FANCC: variants seen among roughly 807,000 people sequenced by gnomAD.
FANCC encodes Fanconi anemia group C protein.
A neutral mutation model predicts 71.3 loss-of-function variants in FANCC; 55 were observed. That is an observed-to-expected ratio of 0.77 (90% CI 0.62 to 0.97). The LOEUF (loss-of-function observed/expected upper bound fraction) is 0.97. Ranked by LOEUF, FANCC falls within the 50% of genes least tolerant of loss-of-function variation. The probability of loss-of-function intolerance (pLI) is 0.00; values close to 1 mark genes in which losing one functional copy is unlikely to be tolerated. For synonymous variants in FANCC, 275 were observed against 244.9 expected (o/e 1.12, Z -1.15); for missense variants, 678 against 670.9 (o/e 1.01, Z -0.12).
chr9:95,175,822 C>A (rs149001479), intron 4 of FANCC, among the ~76,000 whole-genome samples: 28 of 152,372 alleles, frequency 1.8e-4, no homozygotes, highest in Middle Eastern at 6.8e-3. Context: ...AGGGAAAGCC[C>A]GGCCAGGTCT....
At chr9:95,105,788 T>C (rs945188390) in intron 14 of FANCC, among the ~76,000 whole-genome samples, 1 of 152,246 alleles carries the variant, frequency 6.6e-6, no homozygotes, top group Non-Finnish European at 1.5e-5. Context: ...TTCATTCATG[T>C]TGTAGCACTG....
At chr9:95,166,023 TTTTC>T (rs770865941) in intron 6 of FANCC, among the ~76,000 whole-genome samples, 5 of 152,060 alleles carry the variant, frequency 3.3e-5, no homozygotes, top group Admixed American at 2.0e-4. Flanking sequence ...TATATAATCT[TTTTC>T]TTTGTCTCTT....
In FANCC at chr9:95,247,212, CGT is replaced by C. The variant is rs3030679; in HGVS notation, c.250+218_250+219del. ...GAAGATCTGCATGGGTGCGTGCACGCGTGTGTGTGTGTGTGTGTGTGTGTTTA... is the reference window on the plus strand; with the variant it reads ...GAAGATCTGCATGGGTGCGTGCACGCGTGTGTGTGTGTGTGTGTGTGTTTA... On this transcript the variant is annotated intron_variant, in intron 3 of 14. Coordinates refer to ENST00000289081, the MANE Select transcript of FANCC (RefSeq NM_000136.3). Among the ~76,000 whole-genome samples, 630 of 149,532 alleles carry C rather than the reference CGT, an allele frequency of 4.2e-3. 7 individuals carry two copies. In the East Asian group the frequency reaches 0.049, roughly 12 times the overall value.
At chr9:95,191,409 T>C (rs1457831494) in intron 4 of FANCC, among the ~76,000 whole-genome samples, 1 of 143,672 alleles carries the variant, frequency 7.0e-6, no homozygotes, top group African/African-American at 2.6e-5. Flanking sequence ...CTTGGTTCAC[T>C]GCAGCCAAGA....
intron 1 of FANCC, among the ~76,000 whole-genome samples, chr9:95,290,406 G>T (rs948478649): frequency 2.0e-5 from 3 of 152,094 alleles, no homozygotes; most frequent in African/African-American, 7.2e-5. Flanking sequence ...TGATCAACAC[G>T]AACATTAATC....
chr9:95,127,577 C>T (rs1826194976), intron 8 of FANCC, among the ~76,000 whole-genome samples: 2 of 152,192 alleles, frequency 1.3e-5, no homozygotes, highest in Admixed American at 1.3e-4. Context: ...GGCTCCTCTC[C>T]GCTGTGCGCC....
chr9:95,211,701 G>T (rs1446916403), intron 4 of FANCC, among the ~76,000 whole-genome samples: 1 of 152,134 alleles, frequency 6.6e-6, no homozygotes, highest in East Asian at 1.9e-4. Context: ...TACTAGGTAT[G>T]CTCAGAAGCA....
At chr9:95,115,289 A>G (rs753049065) in intron 11 of FANCC, among the ~76,000 whole-genome samples, 1 of 152,168 alleles carries the variant, frequency 6.6e-6, no homozygotes, top group Non-Finnish European at 1.5e-5. Context: ...GAGATTGCAT[A>G]AGCAGCCCCC....
chr9:95,271,844 C>T (rs527920586), intron 1 of FANCC, among the ~76,000 whole-genome samples: 1 of 150,840 alleles, frequency 6.6e-6, no homozygotes, highest in South Asian at 2.1e-4. Context: ...TGAATGCACG[C>T]CTTAAAAGTT....
At chr9:95,159,653 T>A (rs1244983758) in intron 6 of FANCC, among the ~76,000 whole-genome samples, 7 of 152,224 alleles carry the variant, frequency 4.6e-5, no homozygotes, top group Non-Finnish European at 1.0e-4. Flanking sequence ...CCATCAACAG[T>A]GCAAAAGCAT....
intron 4 of FANCC, among the ~76,000 whole-genome samples, chr9:95,239,177 T>C (rs755164781): frequency 6.6e-6 from 1 of 152,190 alleles, no homozygotes; most frequent in Non-Finnish European, 1.5e-5. Flanking sequence ...AACCCCCTTG[T>C]CAGAGCAAGT....
chr9:95,102,432 C>A (rs771092807), intron 14 of FANCC, among the ~76,000 whole-genome samples: 1 of 152,136 alleles, frequency 6.6e-6, no homozygotes, highest in Non-Finnish European at 1.5e-5. Flanking sequence ...AAGTATTTTC[C>A]TAAAAACTTC....
rs186015174 is a variant in FANCC at position 95,251,360 on chromosome 9, G to C, written c.-78-1991C>G. On this transcript the variant is annotated intron_variant, in intron 1 of 14. Coordinates refer to ENST00000289081, the MANE Select transcript of FANCC (RefSeq NM_000136.3). ...AGACGAAGTCTCACTCTATCTCCCA[G>C]GCTGGAGTTAAGTGGTGCGATGTTG... Among the ~76,000 whole-genome samples, 441 of 152,126 alleles carry C rather than the reference G, an allele frequency of 2.9e-3. 3 individuals carry two copies. The highest frequency in any genetic ancestry group is 9.0e-3 in the Admixed American group (138 of 15,276).
intron 7 of FANCC, among the ~76,000 whole-genome samples, chr9:95,141,985 GTTT>G (rs1163083695): frequency 7.5e-4 from 62 of 83,154 alleles, no homozygotes; most frequent in Non-Finnish European, 9.8e-4. Flanking sequence ...AGTTTGTGGG[GTTT>G]TTTTTTTTTT....
intron 1 of FANCC, among the ~76,000 whole-genome samples, chr9:95,262,280 G>T (rs1783136408): frequency 6.6e-6 from 1 of 152,070 alleles, no homozygotes; most frequent in South Asian, 2.1e-4. Flanking sequence ...CAAGAATATG[G>T]AGCTCACCAA....
chr9:95,211,679 C>G (rs633508), intron 4 of FANCC, among the ~76,000 whole-genome samples: 5 of 152,074 alleles, frequency 3.3e-5, no homozygotes, highest in African/African-American at 1.2e-4. Context: ...TACCTGGCAT[C>G]TAATAAAAAG....
Position 95,107,182 on chromosome 9 carries a change from G to A in FANCC, c.1417C>T (p.Gln473Ter), listed in dbSNP as rs1410356625. 5 of 1,614,056 alleles carry A rather than the reference G, an allele frequency of 3.1e-6. No homozygotes were observed. Among genetic ancestry groups the A allele is most frequent in the Non-Finnish European group, 4.2e-6 (5 of 1,180,044 alleles). Residue 473 changes from glutamine (Q) to a stop codon, truncating the protein, a stop_gained, in exon 14 of 15, where the codon CAG becomes TAG. Transcript: ENST00000289081. LOFTEE classifies it high-confidence loss of function. ...GCTCTGAGGTCTGTGTCTGTGCCCT[G>A]TCCTGCTACCGTCTGCAGGTCCTGG... ...SAQDLQTVAG[Q>*]GTDTDLRAPA...
At chr9:95,192,425 CT>C (rs2135747107) in intron 4 of FANCC, among the ~76,000 whole-genome samples, 1 of 152,322 alleles carries the variant, frequency 6.6e-6, no homozygotes, top group East Asian at 1.9e-4. Flanking sequence ...ATTCAAAGAC[CT>C]CAGTCCCAGT....
At position 95,190,590 on chromosome 9, in the gene FANCC, G is replaced by A. The variant is rs1827026759; in HGVS notation, c.346-18443C>T. Among the ~76,000 whole-genome samples the A allele has an allele frequency of 2.0e-5, 3 of 152,218 alleles. No homozygotes were observed. In the South Asian group the frequency reaches 6.2e-4, roughly 32 times the overall value. ...GATCCACCCCTGCACCCTCTTGCTT[G>A]CCCACTCAGCGGTGCCCTGGGCTGC... On this transcript the variant is annotated intron_variant, in intron 4 of 14. Transcript: ENST00000289081.
Sources: gnomAD v4.1 joint callset for allele counts (sites outside exome capture counted in the v4.1 genomes callset) on GRCh38, gnomAD v4.1.1 for gene constraint, MANE v1.5 for transcripts, NCBI Gene and HGNC (gene_info 2026-07-23, HGNC 2026-07-21) for gene names.